LMAN1: variants seen among roughly 807,000 people sequenced by gnomAD.
LMAN1 encodes the protein lectin, mannose binding 1, also known as protein ERGIC-53.
Under a neutral mutation model 67.8 loss-of-function variants are expected in LMAN1, and 32 were observed. That is an observed-to-expected ratio of 0.47 (90% confidence interval 0.36 to 0.63). LMAN1 has a LOEUF of 0.63. LMAN1 is among the 30% of genes least tolerant of loss of function. LMAN1 has a pLI of 0.00. For synonymous variants in LMAN1, 235 were observed against 219.3 expected (o/e 1.07, Z -0.63); for missense variants, 632 against 628.2 (o/e 1.01, Z -0.06).
intron 10 of LMAN1, among the ~76,000 whole-genome samples, chr18:59,335,961 A>G (rs931592780): frequency 1.3e-5 from 2 of 152,248 alleles, no homozygotes; most frequent in South Asian, 4.1e-4. Flanking sequence ...GATACAGATA[A>G]TAAGAACCAG....
intron 6 of LMAN1, among the ~76,000 whole-genome samples, 162 bp downstream of exon 6, chr18:59,348,951 T>C (rs41362044): frequency 1.6e-4 from 24 of 152,270 alleles, no homozygotes; most frequent in African/African-American, 3.9e-4. Context: ...AGTAGAAAAT[T>C]AGCAATCTCA....
intron 8 of LMAN1, among the ~76,000 whole-genome samples, chr18:59,342,586 A>T (rs1337681281): frequency 6.6e-6 from 1 of 152,086 alleles, no homozygotes; most frequent in Non-Finnish European, 1.5e-5. Flanking sequence ...ATTTCAACAG[A>T]CTCAGAAAGG....
chr18:59,358,865 G>A (rs951347099), intron 1 of LMAN1, among the ~76,000 whole-genome samples, 166 bp downstream of exon 1: 2 of 152,172 alleles, frequency 1.3e-5, no homozygotes, highest in African/African-American at 2.4e-5. Flanking sequence ...GTGCGAACCA[G>A]GAGGGACCCG....
intron 1 of LMAN1, among the ~76,000 whole-genome samples, chr18:59,356,503 G>T (rs79954266): frequency 1.3e-3 from 202 of 152,268 alleles, no homozygotes; most frequent in Non-Finnish European, 2.4e-3. Context: ...CTTAAAATTT[G>T]AACAATTCTA....
At chr18:59,334,039 T>C (rs1396614108) in intron 10 of LMAN1, among the ~76,000 whole-genome samples, 1 of 152,204 alleles carries the variant, frequency 6.6e-6, no homozygotes, top group Non-Finnish European at 1.5e-5. Context: ...ATGGCACATA[T>C]GCTCAAGAAA....
intron 1 of LMAN1, among the ~76,000 whole-genome samples, chr18:59,357,751 G>A (rs1400952869): frequency 2.0e-5 from 3 of 151,970 alleles, no homozygotes. Context: ...TTACTTTCTA[G>A]AAATGAAACA....
intron 8 of LMAN1, among the ~76,000 whole-genome samples, chr18:59,339,566 G>A (rs564547112): frequency 1.3e-5 from 2 of 152,300 alleles, no homozygotes; most frequent in South Asian, 4.1e-4. Flanking sequence ...ATATTGCACA[G>A]AGATGTTGCT....
intron 8 of LMAN1, among the ~76,000 whole-genome samples, chr18:59,339,871 A>G (rs1004811809): frequency 1.3e-5 from 2 of 152,092 alleles, no homozygotes; most frequent in Non-Finnish European, 2.9e-5. Flanking sequence ...CCCAGACCCA[A>G]GGTGAAACAC....
intron 1 of LMAN1, among the ~76,000 whole-genome samples, chr18:59,355,987 C>T (rs1034280122): frequency 2.6e-5 from 4 of 152,116 alleles, no homozygotes; most frequent in Non-Finnish European, 4.4e-5. Context: ...AAAGCTGCAA[C>T]GTATTTTACC....
chr18:59,352,987 A>C, intron 5 of LMAN1: 1 of 521,330 alleles, frequency 1.9e-6, no homozygotes, highest in Non-Finnish European at 3.6e-6. Flanking sequence ...GGGGGCTTAA[A>C]CATTTACTGA....
Position 59,355,351 on chromosome 18 carries a change from C to T in LMAN1, c.439G>A (p.Val147Ile). Residue 147 changes from valine (V) to isoleucine (I), a missense_variant, in exon 3 of 13, where the codon GTT (valine) becomes ATT (isoleucine). Transcript: ENST00000251047. ...VFGSADLWNG[V>I]GIFFDSFDND... ...TCAAAAGAATCAAAAAATATTCCAA[C>T]ACCATTCCACAGATCAGCTGATCCA... 1 of 1,613,908 alleles carries T rather than the reference C, an allele frequency of 6.2e-7. No individual in the cohort carries two copies. The highest frequency in any genetic ancestry group is 8.5e-7 in the Non-Finnish European group (1 of 1,179,846).
intron 5 of LMAN1, among the ~76,000 whole-genome samples, chr18:59,351,068 G>A (rs1359973593): frequency 6.6e-6 from 1 of 152,096 alleles, no homozygotes; most frequent in Non-Finnish European, 1.5e-5. Context: ...TCCCTCCAAT[G>A]TGGAAACAAC....
At chr18:59,347,465 A>C (rs1307210333) in intron 7 of LMAN1, 48 bp downstream of exon 7, 1 of 1,386,264 alleles carries the variant, frequency 7.2e-7, no homozygotes, top group Non-Finnish European at 1.0e-6. Flanking sequence ...CGTTCAGCTA[A>C]AAGGCAAACT....
intron 10 of LMAN1, among the ~76,000 whole-genome samples, chr18:59,336,090 C>A (rs569065629): frequency 1.3e-5 from 2 of 152,146 alleles, no homozygotes; most frequent in South Asian, 2.1e-4. Context: ...TGGTTTAACA[C>A]AAGAGTAGGT....
chr18:59,330,336 C>A lies in LMAN1; in HGVS notation c.*757G>T, dbSNP rs572735322. Reference sequence around the variant, plus strand: ...AATTATTTTCATAATATTGACCTGACCCCATTGGAATGAAGACATTCAAGA... The same window carrying A: ...AATTATTTTCATAATATTGACCTGAACCCATTGGAATGAAGACATTCAAGA... On this transcript the variant is annotated 3_prime_UTR_variant, in exon 13 of 13. Transcript: ENST00000251047. The A allele has an allele frequency of 6.6e-6, 1 of 152,424 alleles. No individual in the cohort carries two copies. Among genetic ancestry groups the A allele is most frequent in the African/African-American group, 2.4e-5 (1 of 41,414 alleles). 9.4% of individuals were successfully genotyped at this position (152,424 alleles called of 1,614,324 possible).
intron 11 of LMAN1, among the ~76,000 whole-genome samples, chr18:59,332,765 T>C (rs1248683821): frequency 1.3e-5 from 2 of 152,250 alleles, no homozygotes; most frequent in South Asian, 2.1e-4. Flanking sequence ...GATTAGAACC[T>C]TGACGGAAAA....
At chr18:59,358,321 A>C (rs1908708202) in intron 1 of LMAN1, among the ~76,000 whole-genome samples, 1 of 152,246 alleles carries the variant, frequency 6.6e-6, no homozygotes, top group Admixed American at 6.5e-5. Flanking sequence ...TCAGGTTCAG[A>C]AACAATCAAT....
chr18:59,334,682 T>C (rs2144210692), intron 10 of LMAN1, among the ~76,000 whole-genome samples: 1 of 152,242 alleles, frequency 6.6e-6, no homozygotes, highest in South Asian at 2.1e-4. Flanking sequence ...AGTTTTGAGA[T>C]GGAGAAGTGG....
chr18:59,332,359 A>G (rs955215161), intron 11 of LMAN1, among the ~76,000 whole-genome samples: 2 of 152,166 alleles, frequency 1.3e-5, no homozygotes, highest in Non-Finnish European at 2.9e-5. Context: ...ATGTATATTC[A>G]AGGCATATAT....
Sources: allele counts gnomAD v4.1 joint callset (sites outside exome capture counted in the v4.1 genomes callset), GRCh38; gene constraint gnomAD v4.1.1; transcripts MANE v1.5; gene names NCBI Gene and HGNC (gene_info 2026-07-23, HGNC 2026-07-21).